The following PTPRM variants were observed in gnomAD, a reference collection of about 807,000 sequenced individuals.
PTPRM encodes protein tyrosine phosphatase receptor type M, also known as receptor-type tyrosine-protein phosphatase mu.
A neutral mutation model predicts 186.7 loss-of-function variants in PTPRM; 47 were observed. The observed-to-expected ratio is 0.25, with a 90% CI of 0.20 to 0.32. PTPRM has a LOEUF of 0.32. Ranked by LOEUF, PTPRM falls within the 10% of genes least tolerant of loss-of-function variation. PTPRM has a pLI of 1.00. For synonymous variants in PTPRM, 668 were observed against 674.9 expected (o/e 0.99, Z 0.16); for missense variants, 1,494 against 1,865.0 (o/e 0.80, Z 3.66).
chr18:7,636,110 G>T (rs926306136), intron 1 of PTPRM, among the ~76,000 whole-genome samples: 5 of 152,106 alleles, frequency 3.3e-5, no homozygotes, highest in African/African-American at 1.2e-4. Flanking sequence ...ATTTGCTTGG[G>T]TGCTTCACAT....
chr18:7,813,133 A>T (rs887712994), intron 2 of PTPRM, among the ~76,000 whole-genome samples: 2 of 152,220 alleles, frequency 1.3e-5, no homozygotes, highest in Non-Finnish European at 2.9e-5. Flanking sequence ...GTAAGAGACA[A>T]ACATATGCCA....
intron 1 of PTPRM, among the ~76,000 whole-genome samples, chr18:7,748,457 A>G (rs2041052607): frequency 6.6e-6 from 1 of 152,052 alleles, no homozygotes; most frequent in Non-Finnish European, 1.5e-5. Context: ...TGCTGGCTGG[A>G]GCCCCCTCCT....
intron 7 of PTPRM, among the ~76,000 whole-genome samples, chr18:8,030,488 CT>C (rs1197465996): frequency 3.9e-5 from 6 of 152,164 alleles, no homozygotes; most frequent in African/African-American, 1.4e-4. Context: ...GTCAAAGTGA[CT>C]GTGTTAGTGG....
intron 1 of PTPRM, among the ~76,000 whole-genome samples, chr18:7,760,012 A>G (rs1257562542): frequency 1.3e-5 from 2 of 152,162 alleles, no homozygotes; most frequent in African/African-American, 2.4e-5. Context: ...TGACAATCCT[A>G]GATGCCTTGT....
chr18:8,160,226 C>G (rs1435458650), intron 14 of PTPRM, among the ~76,000 whole-genome samples: 1 of 152,056 alleles, frequency 6.6e-6, no homozygotes, highest in East Asian at 1.9e-4. Context: ...ACGAATAAAC[C>G]TCCTTAAGAT....
At chr18:7,903,177 G>T (rs941944560) in intron 3 of PTPRM, among the ~76,000 whole-genome samples, 1 of 152,240 alleles carries the variant, frequency 6.6e-6, no homozygotes, top group Non-Finnish European at 1.5e-5. Flanking sequence ...GTGGCACTCA[G>T]TAGAGCCTTG....
intron 17 of PTPRM, among the ~76,000 whole-genome samples, chr18:8,251,150 G>A (rs574661251): frequency 1.1e-4 from 17 of 152,280 alleles, no homozygotes; most frequent in Admixed American, 1.0e-3. Flanking sequence ...GTAGCTCTAT[G>A]GATTTAAAAC....
intron 7 of PTPRM, among the ~76,000 whole-genome samples, chr18:8,011,661 A>G (rs2084536154): frequency 6.6e-6 from 1 of 152,202 alleles, no homozygotes; most frequent in Non-Finnish European, 1.5e-5. Flanking sequence ...GCAAAGGCAG[A>G]CTTTAGAGTT....
chr18:7,757,958 A>G (rs763995270), intron 1 of PTPRM, among the ~76,000 whole-genome samples: 1 of 152,154 alleles, frequency 6.6e-6, no homozygotes, highest in Non-Finnish European at 1.5e-5. Flanking sequence ...AGTGCATGCC[A>G]TAGCAAAATG....
At chr18:7,973,267 G>A (rs757593877) in intron 7 of PTPRM, among the ~76,000 whole-genome samples, 1 of 152,048 alleles carries the variant, frequency 6.6e-6, no homozygotes, top group Non-Finnish European at 1.5e-5. Flanking sequence ...TAGAATTGCA[G>A]GGCCAAAGAT....
intron 19 of PTPRM, among the ~76,000 whole-genome samples, chr18:8,258,801 A>G (rs574868117): frequency 6.6e-6 from 1 of 152,194 alleles, no homozygotes; most frequent in Non-Finnish European, 1.5e-5. Flanking sequence ...GCACAAAAAA[A>G]TGATTTCCAA....
At chr18:8,068,710 TATTTC>T (rs2089258066) in intron 7 of PTPRM, among the ~76,000 whole-genome samples, 1 of 152,222 alleles carries the variant, frequency 6.6e-6, no homozygotes, top group African/African-American at 2.4e-5. Context: ...CTTACTATAT[TATTTC>T]ATGTATAATT....
chr18:8,147,926 G>T (rs1393435046), intron 14 of PTPRM, among the ~76,000 whole-genome samples: 1 of 152,142 alleles, frequency 6.6e-6, no homozygotes, highest in African/African-American at 2.4e-5. Flanking sequence ...CATTGGTTCT[G>T]TTTATGTGAT....
chr18:8,338,634 T>G (rs1425046503), intron 22 of PTPRM, among the ~76,000 whole-genome samples: 1 of 152,134 alleles, frequency 6.6e-6, no homozygotes, highest in Non-Finnish European at 1.5e-5. Context: ...ATCAGTAAAA[T>G]GGGGGTGAGC....
intron 22 of PTPRM, among the ~76,000 whole-genome samples, chr18:8,329,715 A>AG (rs71165781): frequency 0.97 from 148,290 of 152,308 alleles, 72,314 homozygotes; most frequent in East Asian, 1. Context: ...CCCAGTGTGG[A>AG]GTATAAATAA....
At chr18:7,670,589 A>G (rs1163356538) in intron 1 of PTPRM, among the ~76,000 whole-genome samples, 1 of 152,246 alleles carries the variant, frequency 6.6e-6, no homozygotes, top group East Asian at 1.9e-4. Flanking sequence ...GAAGCAGAGA[A>G]CATAGGAACT....
At chr18:7,976,555 C>T (rs545018608) in intron 7 of PTPRM, among the ~76,000 whole-genome samples, 5 of 152,042 alleles carry the variant, frequency 3.3e-5, no homozygotes, top group Non-Finnish European at 7.4e-5. Flanking sequence ...TCATATGCTT[C>T]GTGCCATGCA....
chr18:7,936,978 A>G (rs1186530061), intron 5 of PTPRM, among the ~76,000 whole-genome samples: 3 of 152,158 alleles, frequency 2.0e-5, no homozygotes, highest in Non-Finnish European at 4.4e-5. Context: ...CTCTCTGCTG[A>G]GTGCTAAACA....
intron 6 of PTPRM, among the ~76,000 whole-genome samples, chr18:7,954,478 A>G (rs1275389469): frequency 6.6e-6 from 1 of 152,196 alleles, no homozygotes; most frequent in Non-Finnish European, 1.5e-5. Context: ...TGTATTTTTG[A>G]TGAGATAAAC....
Sources: gnomAD v4.1 joint callset for allele counts (sites outside exome capture counted in the v4.1 genomes callset) on GRCh38, gnomAD v4.1.1 for gene constraint, MANE v1.5 for transcripts, NCBI Gene and HGNC (gene_info 2026-07-23, HGNC 2026-07-21) for gene names.